DOP1B: variants seen among roughly 807,000 people sequenced by gnomAD.
The protein encoded by DOP1B is protein DOP1B.
A neutral mutation model predicts 233.5 loss-of-function variants in DOP1B; 174 were observed. The ratio of observed to expected loss-of-function variants is 0.75; its 90% CI spans 0.66 to 0.85. The LOEUF (loss-of-function observed/expected upper bound fraction) is 0.85. DOP1B is among the 40% of genes least tolerant of loss of function. The pLI is 0.00. For missense variants in DOP1B, 2,652 were observed against 2,846.6 expected, an observed-to-expected ratio of 0.93 and a Z score of 1.56; for synonymous variants, 1,190 against 1,185.6, an observed-to-expected ratio of 1.00 and a Z score of -0.08.
At chr21:36,241,180 G>C (rs2066887795) in intron 18 of DOP1B, among the ~76,000 whole-genome samples, 1 of 151,974 alleles carries the variant, frequency 6.6e-6, no homozygotes, top group African/African-American at 2.4e-5. Flanking sequence ...TGTAATCCCA[G>C]CTACTCGGGA....
At chr21:36,267,823 T>C (rs1347723239) in intron 26 of DOP1B, among the ~76,000 whole-genome samples, 5 of 152,042 alleles carry the variant, frequency 3.3e-5, no homozygotes, top group African/African-American at 1.2e-4. Flanking sequence ...GATGCCCTCC[T>C]GAGCCTCAAA....
chr21:36,179,673 T>G (rs1391643655), intron 2 of DOP1B, among the ~76,000 whole-genome samples: 1 of 152,142 alleles, frequency 6.6e-6, no homozygotes, highest in Non-Finnish European at 1.5e-5. Flanking sequence ...TGAAAAATGC[T>G]TATTATAAAT....
At chr21:36,223,843 C>T (rs940263380) in intron 11 of DOP1B, among the ~76,000 whole-genome samples, 16 of 152,148 alleles carry the variant, frequency 1.1e-4, no homozygotes, top group Admixed American at 1.3e-4. Context: ...TTTGCAGTGG[C>T]GTACCCCAGG....
chr21:36,271,936 CTT>C (rs34465846), intron 27 of DOP1B, among the ~76,000 whole-genome samples: 4 of 134,570 alleles, frequency 3.0e-5, no homozygotes, highest in Non-Finnish European at 1.6e-5. Flanking sequence ...ACAAATGATC[CTT>C]TTTTTTTTTT....
chr21:36,238,968 T>G (rs2066859578), intron 17 of DOP1B, among the ~76,000 whole-genome samples: 1 of 152,116 alleles, frequency 6.6e-6, no homozygotes, highest in African/African-American at 2.4e-5. Context: ...CTGGGCGTGG[T>G]GGTGGGCACC....
At chr21:36,227,956 G>T (rs2066713149) in intron 13 of DOP1B, 79 bp downstream of exon 13, 1 of 1,370,862 alleles carries the variant, frequency 7.3e-7, no homozygotes, top group African/African-American at 1.4e-5. Flanking sequence ...AGTCTTTAGG[G>T]TTGGTTAGGA....
At position 36,214,199 on chromosome 21, in the gene DOP1B, G is replaced by A. The variant is rs1478147633; in HGVS notation, c.1014+9G>A. The A allele has an allele frequency of 3.7e-6, 6 of 1,602,078 alleles. No homozygotes were observed. The Admixed American group carries it at 6.7e-5, about 18-fold the overall frequency. On this transcript the variant is annotated intron_variant, in intron 8 of 36. Transcript: ENST00000691173. ...AGGATCTTTTAGTTGAGGTAAAGGA[G>A]CATTTCCGGAAAGTTCAGGGTATCC...
At chr21:36,219,160 G>C (rs2066595775) in intron 9 of DOP1B, among the ~76,000 whole-genome samples, 1 of 152,154 alleles carries the variant, frequency 6.6e-6, no homozygotes, top group African/African-American at 2.4e-5. Flanking sequence ...TGGCACACAG[G>C]AAGTTCTACA....
intron 18 of DOP1B, among the ~76,000 whole-genome samples, chr21:36,243,321 G>A (rs1053969978): frequency 4.7e-5 from 7 of 149,994 alleles, no homozygotes; most frequent in Admixed American, 2.7e-4. Flanking sequence ...TAAAATGTTT[G>A]GCAATATCAA....
At chr21:36,231,177 G>C (rs145615129) in intron 14 of DOP1B, 43 bp downstream of exon 14, 19 of 1,536,892 alleles carry the variant, frequency 1.2e-5, no homozygotes, top group Non-Finnish European at 1.6e-5. Flanking sequence ...GGAATCATAC[G>C]ATGAGGCGAT....
chr21:36,246,687 G>A lies in DOP1B; in HGVS notation c.4697+10G>A, dbSNP rs370723966. The A allele has an allele frequency of 1.4e-5, 22 of 1,595,866 alleles. No homozygotes were observed. The highest frequency in any genetic ancestry group is 5.4e-5 in the African/African-American group (4 of 74,580). ...TGAAGCTCTCTGTCAGGTGCGTTAC[G>A]CTCCTTGTGACATCTTTATTGCTTT... On this transcript the variant is annotated intron_variant, in intron 19 of 36. Transcript: ENST00000691173. The surrounding 1 kb of genome is among the most constrained non-coding windows in gnomAD (Gnocchi z 5.1).
intron 9 of DOP1B, among the ~76,000 whole-genome samples, chr21:36,218,957 G>A (rs534144171): frequency 6.9e-4 from 105 of 152,316 alleles, no homozygotes; most frequent in Non-Finnish European, 1.4e-3. Context: ...TAACGTCCCT[G>A]GCCAGCAGTT....
At chr21:36,272,993 A>G (rs1257972604) in intron 27 of DOP1B, among the ~76,000 whole-genome samples, 2 of 150,554 alleles carry the variant, frequency 1.3e-5, no homozygotes, top group Non-Finnish European at 3.0e-5. Flanking sequence ...TCAAAAAAAA[A>G]AAAAAAAAAA....
intron 2 of DOP1B, among the ~76,000 whole-genome samples, chr21:36,181,116 T>G (rs999138142): frequency 3.3e-5 from 5 of 152,194 alleles, no homozygotes; most frequent in Non-Finnish European, 7.3e-5. Context: ...TATCAGTGTG[T>G]TAACCACGGT....
intron 22 of DOP1B, among the ~76,000 whole-genome samples, chr21:36,253,306 C>G (rs1380527469): frequency 6.6e-6 from 1 of 152,218 alleles, no homozygotes; most frequent in Non-Finnish European, 1.5e-5. Context: ...TTCAAACATA[C>G]CACTATTACA....
At chr21:36,212,333 C>G (rs1234204067) in intron 7 of DOP1B, among the ~76,000 whole-genome samples, 1 of 152,098 alleles carries the variant, frequency 6.6e-6, no homozygotes, top group Non-Finnish European at 1.5e-5. Flanking sequence ...TTTAAAATGC[C>G]AACTGAATTC....
In DOP1B at chr21:36,246,563, C is replaced by T; in HGVS notation, c.4583C>T (p.Pro1528Leu). Residue 1528 changes from proline to leucine, a missense_variant, in exon 19 of 37, where the codon CCC becomes CTC. Transcript: ENST00000691173. This position sits in a 1 kb window ranked among gnomAD's most constrained non-coding sequence, Gnocchi z 5.1. ...AWVSLVTHSL[P>L]YFGKSLGWTV... The stretch of plus-strand genomic sequence containing the variant: ...GTGAGCTTGGTCACGCATTCCTTGC[C>T]CTACTTCGGAAAGTCCCTGGGCTGG... The T allele has an allele frequency of 1.2e-6, 2 of 1,614,150 alleles. No homozygotes were observed. The highest frequency in any genetic ancestry group is 1.7e-6 in the Non-Finnish European group (2 of 1,180,036).
chr21:36,184,022 C>T (rs1443497247), intron 2 of DOP1B, among the ~76,000 whole-genome samples: 1 of 151,900 alleles, frequency 6.6e-6, no homozygotes. Flanking sequence ...TGCCACCACG[C>T]CTGGTTAATT....
At chr21:36,207,798 C>T (rs544570950) in intron 4 of DOP1B, among the ~76,000 whole-genome samples, 3 of 152,192 alleles carry the variant, frequency 2.0e-5, no homozygotes, top group South Asian at 2.1e-4. Context: ...TCAGATCCTT[C>T]GTGGGGTGAT....
Sources: allele counts gnomAD v4.1 joint callset (sites outside exome capture counted in the v4.1 genomes callset), GRCh38; gene constraint gnomAD v4.1.1; non-coding constraint Gnocchi (gnomAD v3.1); transcripts MANE v1.5; gene names NCBI Gene and HGNC (gene_info 2026-07-23, HGNC 2026-07-21).